Variants in CDKL1 observed in about 807,000 individuals in gnomAD.
CDKL1 encodes the protein cyclin dependent kinase like 1.
A neutral mutation model predicts 42.0 loss-of-function variants in CDKL1; 41 were observed. The ratio of observed to expected loss-of-function variants is 0.98; its 90% confidence interval spans 0.76 to 1.27. CDKL1 has a LOEUF of 1.27. CDKL1 is among the 50% of genes most tolerant of loss of function. The pLI is 0.00. For synonymous variants in CDKL1, 153 were observed against 158.6 expected (o/e 0.96, Z 0.26); for missense variants, 394 against 428.4 (o/e 0.92, Z 0.71).
chr14:50,393,159 A>G (rs1340117037), intron 2 of CDKL1, among the ~76,000 whole-genome samples: 1 of 152,184 alleles, frequency 6.6e-6, no homozygotes, highest in South Asian at 2.1e-4. Context: ...TTCCCTAAAC[A>G]TTTCAAAGTT....
rs1168278150 is a variant in CDKL1, at chr14:50,370,172, G to A, written c.169-11023C>T. On this transcript the variant is annotated intron_variant, in intron 2 of 9. Coordinates refer to ENST00000395834, the MANE Select transcript of CDKL1 (RefSeq NM_004196.7). ...CAACCTCTGCCTCCTGGGTTCAAGT[G>A]ATTTTCCTGCCTCAGCCTCCCAAGT... Among the ~76,000 whole-genome samples the A allele has an allele frequency of 3.3e-5, 5 of 151,586 alleles. No homozygotes were observed. The East Asian group carries it at 9.7e-4, about 29-fold the overall frequency.
Position 50,329,504 on chromosome 14 carries a change from T to C in CDKL1, c.*570A>G, listed in dbSNP as rs901592214. Reference sequence around the variant, plus strand: ...ATAAATTACCAAGCTTTTGTGATAATTCATATGCTTTTAAATATTTTGAAC... The same window carrying C: ...ATAAATTACCAAGCTTTTGTGATAACTCATATGCTTTTAAATATTTTGAAC... On this transcript the variant is annotated 3_prime_UTR_variant, in exon 10 of 10. Coordinates refer to ENST00000395834, the MANE Select transcript of CDKL1 (RefSeq NM_004196.7). 1 of 152,532 alleles carries C rather than the reference T, an allele frequency of 6.6e-6. No individual in the cohort carries two copies. The highest frequency in any genetic ancestry group is 6.5e-5 in the Admixed American group (1 of 15,322). 9.4% of individuals were successfully genotyped at this position (152,532 alleles called of 1,614,324 possible).
chr14:50,395,570 G>A, intron 2 of CDKL1, 131 bp downstream of exon 2: 1 of 638,270 alleles, frequency 1.6e-6, no homozygotes, highest in South Asian at 2.0e-5. Flanking sequence ...AGGAGGCTGA[G>A]GCAGAAGCAT....
chr14:50,377,060 G>C (rs2034753201), intron 2 of CDKL1, among the ~76,000 whole-genome samples: 2 of 152,184 alleles, frequency 1.3e-5, no homozygotes. Flanking sequence ...AGTGTTTCTA[G>C]AACAGCAAGG....
intron 2 of CDKL1, among the ~76,000 whole-genome samples, chr14:50,389,118 A>G (rs7159182): frequency 0.044 from 6,426 of 147,628 alleles, 204 homozygotes; most frequent in Admixed American, 0.1. Context: ...AAAAAAAAAA[A>G]AAAAAGAGAG....
intron 3 of CDKL1, 49 bp from the exon 4 acceptor site, chr14:50,345,107 A>C: frequency 6.5e-7 from 1 of 1,546,104 alleles, no homozygotes; most frequent in Non-Finnish European, 8.9e-7. Flanking sequence ...TAGCCATGGA[A>C]TTCAGCTCAA....
intron 2 of CDKL1, 73 bp downstream of exon 2, chr14:50,395,628 C>A: frequency 9.7e-7 from 1 of 1,027,672 alleles, no homozygotes; most frequent in Non-Finnish European, 1.5e-6. Flanking sequence ...GATCACATGG[C>A]TGCACTCCAG....
intron 3 of CDKL1, among the ~76,000 whole-genome samples, chr14:50,345,752 A>G (rs1035289371): frequency 3.3e-5 from 5 of 152,156 alleles, no homozygotes; most frequent in South Asian, 2.1e-4. Flanking sequence ...CTATGCTGCC[A>G]TGGCAGCCAG....
chr14:50,342,942 A>C, intron 4 of CDKL1: 2 of 1,356,964 alleles, frequency 1.5e-6, no homozygotes, highest in Non-Finnish European at 2.0e-6. Context: ...GCTCTGTCCC[A>C]CACACAAGTG....
rs2032794684 is a variant in CDKL1, at chr14:50,328,676, G to A, written c.*1398C>T. ...TGAAAAAGCTTTTTGATTAAGAGCAGTAGACCAAATCAAAGCTAATTATGT... is the reference window on the plus strand; with the variant it reads ...TGAAAAAGCTTTTTGATTAAGAGCAATAGACCAAATCAAAGCTAATTATGT... On this transcript the variant is annotated 3_prime_UTR_variant, in exon 10 of 10. Transcript: ENST00000395834. 1 of 152,126 alleles carries A rather than the reference G, an allele frequency of 6.6e-6. No homozygotes were observed. Among genetic ancestry groups the A allele is most frequent in the African/African-American group, 2.4e-5 (1 of 41,414 alleles). 9.4% of individuals were successfully genotyped at this position (152,126 alleles called of 1,614,324 possible).
intron 7 of CDKL1, chr14:50,336,196 T>A (rs1384825187): frequency 7.4e-7 from 1 of 1,353,634 alleles, no homozygotes; most frequent in Non-Finnish European, 9.8e-7. Context: ...CCTCCCTCTG[T>A]CAGGGTTACT....
chr14:50,357,689 T>C (rs143697334), intron 3 of CDKL1, among the ~76,000 whole-genome samples: 61 of 152,290 alleles, frequency 4.0e-4, no homozygotes, highest in African/African-American at 1.4e-3. Context: ...GCCCCAGGGA[T>C]AGTTGCGTCA....
intron 3 of CDKL1, among the ~76,000 whole-genome samples, chr14:50,355,912 T>G (rs773519330): frequency 1.4e-4 from 22 of 151,772 alleles, no homozygotes; most frequent in Non-Finnish European, 2.9e-4. Flanking sequence ...TGGTGGGGAG[T>G]GGGGTGGTAG....
rs1205745392 is a variant in CDKL1, at chr14:50,358,012, C to T, written c.290+1016G>A. The T allele has an allele frequency of 3.0e-6, 4 of 1,339,684 alleles. No individual in the cohort carries two copies. In the African/African-American group the frequency reaches 4.5e-5, roughly 15 times the overall value. The allele number at this position is 1,339,684 out of a possible 1,614,324, so 83.0% of individuals were successfully genotyped here. ...TGAGGAGTGGGTGGGAGCTGGAATC[C>T]AGTCCTCTCACCCTGCAAGAGGCTG... is the stretch of plus-strand genomic sequence containing the variant. On this transcript the variant is annotated intron_variant, in intron 3 of 9. Transcript: ENST00000395834.
At chr14:50,332,143 A>C (rs777179278) in intron 9 of CDKL1, 119 bp downstream of exon 9, 7 of 1,612,546 alleles carry the variant, frequency 4.3e-6, no homozygotes, top group Non-Finnish European at 5.9e-6. Context: ...AGATCCTATG[A>C]CCTGTCTCCT....
At chr14:50,343,177 G>GTTTTTCC (rs1566580369) in intron 4 of CDKL1, 1 of 400,756 alleles carries the variant, frequency 2.5e-6, no homozygotes, top group Admixed American at 4.9e-5. Flanking sequence ...TTTTTTTTGA[G>GTTTTTCC]TTGGGTCAAA....
At chr14:50,384,923 T>C (rs908527184) in intron 2 of CDKL1, among the ~76,000 whole-genome samples, 6 of 151,426 alleles carry the variant, frequency 4.0e-5, no homozygotes, top group African/African-American at 1.5e-4. Flanking sequence ...ATGCAAAAAT[T>C]AGCCAGGCAT....
Position 50,342,131 on chromosome 14 carries a change from C to G in CDKL1, c.454+1G>C. 6.2e-7 allele frequency: 1 copy of G among 1,613,482 alleles called. No homozygotes were observed. Among genetic ancestry groups the G allele is most frequent in the Non-Finnish European group, 8.5e-7 (1 of 1,179,498 alleles). On this transcript the variant is annotated splice_donor_variant, in intron 5 of 9. Coordinates refer to ENST00000395834, the MANE Select transcript of CDKL1 (RefSeq NM_004196.7). LOFTEE classifies it high-confidence loss of function. ...TAACAAAAGAAAATGTCAATACTCA[C>G]TCAAAAGCCGAGCAAATCCAAAGTC...
At chr14:50,335,878 G>T in intron 7 of CDKL1, 6 of 1,266,720 alleles carry the variant, frequency 4.7e-6, no homozygotes, top group Non-Finnish European at 6.1e-6. Context: ...GATAAGAGTA[G>T]GAGAGAAGAG....
Sources: allele counts gnomAD v4.1 joint callset (sites outside exome capture counted in the v4.1 genomes callset), GRCh38; gene constraint gnomAD v4.1.1; transcripts MANE v1.5; gene names NCBI Gene and HGNC (gene_info 2026-07-23, HGNC 2026-07-21).